LMX1A: variants seen among roughly 807,000 people sequenced by gnomAD.
LMX1A encodes the protein LIM homeobox transcription factor 1 alpha.
Under a neutral mutation model 49.1 loss-of-function variants are expected in LMX1A, and 15 were observed. That is an observed-to-expected ratio of 0.31 (90% CI 0.20 to 0.47). LMX1A has a LOEUF of 0.47. Among genes scored for constraint, LMX1A ranks in the 20% least tolerant of loss-of-function variants. LMX1A has a pLI of 1.00. For missense variants in LMX1A, 372 were observed against 475.8 expected (o/e 0.78, Z 2.03); for synonymous variants, 167 against 185.7 (o/e 0.90, Z 0.82).
intron 4 of LMX1A, among the ~76,000 whole-genome samples, chr1:165,242,571 G>A (rs960559006): frequency 6.6e-6 from 1 of 151,630 alleles, no homozygotes; most frequent in African/African-American, 2.4e-5. Context: ...ATTTTTCAGT[G>A]ATTCCAAAAA....
At chr1:165,316,856 G>A (rs1322861231) in intron 3 of LMX1A, among the ~76,000 whole-genome samples, 2 of 152,116 alleles carry the variant, frequency 1.3e-5, no homozygotes, top group East Asian at 1.9e-4. Flanking sequence ...CAGGGCACTC[G>A]GGCCCGGGCA....
In LMX1A at chr1:165,213,664, C is replaced by T; in HGVS notation, c.646G>A (p.Val216Ile). The change falls in exon 5 of 9, where the codon GTA becomes ATA. Residue 216 changes from valine to isoleucine, a missense_variant. Physicochemically the swap from Val to Ile is conservative, Grantham distance 29. Coordinates refer to ENST00000342310, the MANE Select transcript of LMX1A (RefSeq NM_177398.4). ...ACCTTCCTGCAGGGCTTGGAGGATA[C>T]TTCAAATGAGGCCTTGAATGCTCGC... ...QRRAFKASFE[V>I]SSKPCRKVRE... is the part of the protein sequence containing the mutation. 2 of 1,614,166 alleles carry T rather than the reference C, an allele frequency of 1.2e-6. No homozygotes were observed. The highest frequency in any genetic ancestry group is 1.7e-6 in the Non-Finnish European group (2 of 1,180,024).
intron 3 of LMX1A, among the ~76,000 whole-genome samples, chr1:165,254,735 G>T (rs1391120011): frequency 6.6e-6 from 1 of 152,172 alleles, no homozygotes; most frequent in Non-Finnish European, 1.5e-5. Context: ...ATCCCCCATG[G>T]TTACTTCCCC....
intron 3 of LMX1A, among the ~76,000 whole-genome samples, chr1:165,320,347 C>G (rs934535733): frequency 6.6e-6 from 1 of 152,160 alleles, no homozygotes; most frequent in Non-Finnish European, 1.5e-5. Flanking sequence ...GCTGAGGTCT[C>G]GAGCCCACCC....
chr1:165,241,576 C>A (rs961378762), intron 4 of LMX1A, among the ~76,000 whole-genome samples: 1 of 151,056 alleles, frequency 6.6e-6, no homozygotes, highest in Non-Finnish European at 1.5e-5. Context: ...ACCTGTCTAG[C>A]TTTAGATCCT....
chr1:165,291,039 G>T (rs1276402784), intron 3 of LMX1A, among the ~76,000 whole-genome samples: 1 of 152,110 alleles, frequency 6.6e-6, no homozygotes, highest in East Asian at 1.9e-4. Flanking sequence ...CCACTGCATT[G>T]CTTACTGTTA....
In LMX1A at chr1:165,262,820, GA is replaced by G. The variant is rs561484937; in HGVS notation, c.264-13181del. Among the ~76,000 whole-genome samples, 365 of 147,228 alleles carry G rather than the reference GA, an allele frequency of 2.5e-3. 3 individuals carry two copies. In the Middle Eastern group the frequency reaches 0.031, roughly 13 times the overall value. ...TTTCATTTATCTGATGGCCTTTGTA[GA>G]AAAAAAAAAATTTTAATTACTTCTA... On this transcript the variant is annotated intron_variant, in intron 3 of 8. Coordinates refer to ENST00000342310, the MANE Select transcript of LMX1A (RefSeq NM_177398.4).
At chr1:165,248,220 GA>G (rs1652926802) in intron 4 of LMX1A, among the ~76,000 whole-genome samples, 1 of 152,082 alleles carries the variant, frequency 6.6e-6, no homozygotes, top group Admixed American at 6.5e-5. Context: ...GGCTGAAAAG[GA>G]ATAGACTTTT....
At chr1:165,354,450 A>G (rs1356268189) in intron 2 of LMX1A, among the ~76,000 whole-genome samples, 1 of 152,214 alleles carries the variant, frequency 6.6e-6, no homozygotes, top group Non-Finnish European at 1.5e-5. Flanking sequence ...CTGTATACAT[A>G]AATCCGCACC....
intron 3 of LMX1A, among the ~76,000 whole-genome samples, chr1:165,313,491 T>TGC (rs1491545747): frequency 7.1e-6 from 1 of 140,936 alleles, no homozygotes; most frequent in Non-Finnish European, 1.6e-5. Flanking sequence ...TTTTTTTTTT[T>TGC]TGTTGTTGTT....
intron 3 of LMX1A, among the ~76,000 whole-genome samples, chr1:165,259,014 T>C (rs983300178): frequency 6.6e-6 from 1 of 152,244 alleles, no homozygotes; most frequent in Admixed American, 6.5e-5. Flanking sequence ...CTAGCTGCTC[T>C]CAATAAGTAG....
At chr1:165,268,071 A>C (rs1418773880) in intron 3 of LMX1A, among the ~76,000 whole-genome samples, 1 of 152,138 alleles carries the variant, frequency 6.6e-6, no homozygotes, top group African/African-American at 2.4e-5. Flanking sequence ...GGAGTACTGG[A>C]GTGACATTCC....
At chr1:165,250,843 C>CAGTA (rs1653034234) in intron 3 of LMX1A, among the ~76,000 whole-genome samples, 1 of 151,896 alleles carries the variant, frequency 6.6e-6, no homozygotes, top group African/African-American at 2.4e-5. Flanking sequence ...AAACAAAAGA[C>CAGTA]AGTAAGGAAG....
intron 3 of LMX1A, among the ~76,000 whole-genome samples, chr1:165,326,092 A>G (rs1349561964): frequency 6.6e-6 from 1 of 152,006 alleles, no homozygotes; most frequent in Non-Finnish European, 1.5e-5. Flanking sequence ...GCCCTTTTAT[A>G]TTACACACTG....
chr1:165,343,808 A>G (rs2101765223), intron 3 of LMX1A, among the ~76,000 whole-genome samples: 1 of 152,356 alleles, frequency 6.6e-6, no homozygotes, highest in Middle Eastern at 3.4e-3. Flanking sequence ...TGTTATTTGC[A>G]CAAAATTATG....
In LMX1A at chr1:165,203,000, T is replaced by G. The variant is rs1348475025; in HGVS notation, c.*880A>C. 1 of 152,708 alleles carries G rather than the reference T, an allele frequency of 6.5e-6. No individual in the cohort carries two copies. The highest frequency in any genetic ancestry group is 1.5e-5 in the Non-Finnish European group (1 of 68,074). The allele number at this position is 152,708 out of a possible 1,614,324, so 9.5% of individuals were successfully genotyped here. ...TATTAGCCTCATCCACATTTGCAGA[T>G]GCTGAAGCTCAAGAGCTGAACCAAT... On this transcript the variant is annotated 3_prime_UTR_variant, in exon 9 of 9. Transcript: ENST00000342310.
rs529188062 is a variant in LMX1A, at chr1:165,325,983, T to G, written c.263+27093A>C. 9.9e-5 allele frequency among the ~76,000 whole-genome samples: 15 copies of G among 150,850 alleles called. No homozygotes were observed. The East Asian group carries it at 2.2e-3, about 22-fold the overall frequency. On this transcript the variant is annotated intron_variant, in intron 3 of 8. Transcript: ENST00000342310. ...CCCCCATCCTCACCAGTGGCAGTAA[T>G]ATTGTGTGAGTAATCCCAGGGGGGC...
intron 4 of LMX1A, among the ~76,000 whole-genome samples, chr1:165,244,179 G>C (rs1384754263): frequency 2.6e-5 from 4 of 152,242 alleles, no homozygotes; most frequent in African/African-American, 9.6e-5. Flanking sequence ...TGCATCCAGA[G>C]AGAGCATGGA....
At chr1:165,290,670 T>A (rs1440228639) in intron 3 of LMX1A, among the ~76,000 whole-genome samples, 2 of 152,164 alleles carry the variant, frequency 1.3e-5, no homozygotes, top group African/African-American at 2.4e-5. Context: ...ACATAGCAGA[T>A]AAAAAGACCC....
Sources: allele counts gnomAD v4.1 joint callset (sites outside exome capture counted in the v4.1 genomes callset), GRCh38; gene constraint gnomAD v4.1.1; transcripts MANE v1.5; gene names NCBI Gene and HGNC (gene_info 2026-07-23, HGNC 2026-07-21).